Variants in PCDHGB2 observed in about 807,000 individuals in gnomAD.
The protein encoded by PCDHGB2 is protocadherin gamma subfamily B, 2.
A neutral mutation model predicts 59.3 loss-of-function variants in PCDHGB2; 55 were observed. That is an observed-to-expected ratio of 0.93 (90% CI 0.75 to 1.16). The LOEUF is 1.16. Among genes scored for constraint, PCDHGB2 ranks in the 50% most tolerant of loss-of-function variants. PCDHGB2 has a pLI of 0.00. For synonymous variants in PCDHGB2, 516 were observed against 512.0 expected (o/e 1.01, Z -0.11); for missense variants, 1,228 against 1,198.5 (o/e 1.02, Z -0.36).
intron 1 of PCDHGB2, chr5:141,403,720 C>G (rs1266419119): frequency 1.2e-6 from 2 of 1,613,874 alleles, no homozygotes; most frequent in Middle Eastern, 1.6e-4. Context: ...AGAACGTGCC[C>G]CCAGGCACCT....
At position 141,477,493 on chromosome 5, in the gene PCDHGB2, A is replaced by G. The variant is rs2154575835; in HGVS notation, c.2422-17314A>G. ...ATGACAACCCTCCACAATCTTCTCA[A>G]TCTTCCTACGACGTTTACATTGAAG... On this transcript the variant is annotated intron_variant, in intron 1 of 3. Transcript: ENST00000522605. This position sits in a 1 kb window ranked among gnomAD's most constrained non-coding sequence, Gnocchi z 4.9. 6.2e-7 allele frequency: 1 copy of G among 1,613,976 alleles called. No individual in the cohort carries two copies. The highest frequency in any genetic ancestry group is 1.6e-4 in the Middle Eastern group (1 of 6,062).
chr5:141,441,883 A>T, intron 1 of PCDHGB2: 1 of 343,546 alleles, frequency 2.9e-6, no homozygotes, highest in South Asian at 2.6e-5. Context: ...CTACCTGGTC[A>T]CCAAGGTGGT....
At chr5:141,437,393 G>T (rs1034237295) in intron 1 of PCDHGB2, among the ~76,000 whole-genome samples, 3 of 152,180 alleles carry the variant, frequency 2.0e-5, no homozygotes, top group Admixed American at 6.5e-5. Flanking sequence ...TTCATCCACT[G>T]CTTTCATTCC....
chr5:141,462,512 A>C (rs1169461013), intron 1 of PCDHGB2, among the ~76,000 whole-genome samples: 1 of 152,106 alleles, frequency 6.6e-6, no homozygotes, highest in Non-Finnish European at 1.5e-5. Flanking sequence ...AACTAGATCA[A>C]GTTAGTAAGA....
Position 141,360,653 on chromosome 5 carries a change from A to G in PCDHGB2, c.518A>G (p.Asn173Ser). The change falls in exon 1 of 4, where the codon AAT becomes AGT. Residue 173 changes from asparagine (N) to serine (S), a missense_variant. Transcript: ENST00000522605. Reference sequence around the variant, plus strand: ...AACTCACTACAAAGATACCACCTTAATGACAACGAGTACTTTGATCTCGCT... The same window carrying G: ...AACTCACTACAAAGATACCACCTTAGTGACAACGAGTACTTTGATCTCGCT... The part of the protein sequence containing the change: ...GPNSLQRYHL[N>S]DNEYFDLAEK... The G allele has an allele frequency of 1.9e-6, 3 of 1,614,020 alleles. No homozygotes were observed. Among genetic ancestry groups the G allele is most frequent in the East Asian group, 2.2e-5 (1 of 44,882 alleles).
At chr5:141,409,828 C>G in intron 1 of PCDHGB2, 1 of 1,611,128 alleles carries the variant, frequency 6.2e-7, no homozygotes, top group Non-Finnish European at 8.5e-7. Flanking sequence ...CGCCCACGCT[C>G]AGCGCCAACG....
At chr5:141,503,178 T>C (rs988629461) in intron 2 of PCDHGB2, among the ~76,000 whole-genome samples, 56 of 151,998 alleles carry the variant, frequency 3.7e-4, no homozygotes, top group African/African-American at 1.3e-3. Flanking sequence ...TACTCTATTG[T>C]GTAATTATTT....
intron 1 of PCDHGB2, chr5:141,409,447 AC>A (rs779658060): frequency 1.4e-4 from 222 of 1,613,890 alleles, no homozygotes; most frequent in Non-Finnish European, 1.8e-4. Context: ...GAGAGCAGAC[AC>A]CAGAATACAA....
chr5:141,477,504 A>T lies in PCDHGB2; in HGVS notation c.2422-17303A>T, dbSNP rs1396003792. Reference sequence around the variant, plus strand: ...CCACAATCTTCTCAATCTTCCTACGACGTTTACATTGAAGAAAACAACCTC... The same window carrying T: ...CCACAATCTTCTCAATCTTCCTACGTCGTTTACATTGAAGAAAACAACCTC... On this transcript the variant is annotated intron_variant, in intron 1 of 3. Coordinates refer to ENST00000522605, the MANE Select transcript of PCDHGB2 (RefSeq NM_018923.3). This position sits in a 1 kb window ranked among gnomAD's most constrained non-coding sequence, Gnocchi z 4.9. The T allele has an allele frequency of 4.3e-6, 7 of 1,613,982 alleles. No homozygotes were observed. In the Admixed American group the frequency reaches 8.3e-5, roughly 19 times the overall value.
intron 1 of PCDHGB2, chr5:141,410,110 C>A (rs1361292941): frequency 6.2e-7 from 1 of 1,612,540 alleles, no homozygotes; most frequent in Admixed American, 1.7e-5. Flanking sequence ...GCGACAGGGA[C>A]GCAGCCCGCC....
chr5:141,413,889 T>C (rs1394681178), intron 1 of PCDHGB2: 4 of 1,613,392 alleles, frequency 2.5e-6, no homozygotes, highest in Non-Finnish European at 3.4e-6. Flanking sequence ...CTGTCTTCGA[T>C]GCAAATGACA....
rs73792170 is a variant in PCDHGB2, at chr5:141,365,536, T to C, written c.2421+2980T>C. The C allele has an allele frequency of 3.4e-3, 5,425 of 1,613,776 alleles. 115 individuals are homozygous for C. In the African/African-American group the frequency reaches 0.05, roughly 15 times the overall value. On this transcript the variant is annotated intron_variant, in intron 1 of 3. Transcript: ENST00000522605. ...TGGAGAAGTCAGTTGATAATTACTATCACCTATTAACAACTAGGGACCTGG... is the reference window on the plus strand; with the variant it reads ...TGGAGAAGTCAGTTGATAATTACTACCACCTATTAACAACTAGGGACCTGG...
At chr5:141,392,273 GC>G (rs1371015127) in intron 1 of PCDHGB2, 1 of 152,178 alleles carries the variant, frequency 6.6e-6, no homozygotes, top group Non-Finnish European at 1.5e-5. Flanking sequence ...TTACAATAAA[GC>G]TTAGAGCACA....
chr5:141,399,355 C>A (rs1437917208), intron 1 of PCDHGB2: 1 of 1,614,006 alleles, frequency 6.2e-7, no homozygotes, highest in South Asian at 1.1e-5. Flanking sequence ...AGACCGAGAG[C>A]AAACCCCGGA....
intron 1 of PCDHGB2, chr5:141,391,496 G>C (rs1256159469): frequency 6.6e-6 from 1 of 151,988 alleles, no homozygotes; most frequent in Non-Finnish European, 1.5e-5. Flanking sequence ...GTTTTCAGTA[G>C]AGAAAATATT....
At chr5:141,415,611 A>G in intron 1 of PCDHGB2, 1 of 1,613,152 alleles carries the variant, frequency 6.2e-7, no homozygotes, top group Non-Finnish European at 8.5e-7. Context: ...CATTGGTTCC[A>G]GTGAGTTTTA....
rs763102211 is a variant in PCDHGB2 at position 141,361,966 on chromosome 5, G to T, written c.1831G>T (p.Ala611Ser). The change falls in exon 1 of 4, where the codon GCC becomes TCC. Residue 611 changes from alanine to serine, a missense_variant. Ala to Ser is a moderately conservative substitution (Grantham distance 99). This residue lies in a region of PCDHGB2 where 433 missense variants were observed against 441.8 expected (regional missense o/e 0.98). Coordinates refer to ENST00000522605, the MANE Select transcript of PCDHGB2 (RefSeq NM_018923.3). ...TTGGCTGTCCTACCACGTGCTGCAG[G>T]CCAGCGAGCCCGGGCTCTTCAGCCT... ...NAWLSYHVLQASEPGLFSLGL... is the reference protein window; with the variant it reads ...NAWLSYHVLQSSEPGLFSLGL... The T allele has an allele frequency of 6.2e-7, 1 of 1,601,844 alleles. No individual in the cohort carries two copies. Among genetic ancestry groups the T allele is most frequent in the African/African-American group, 1.3e-5 (1 of 74,682 alleles).
intron 1 of PCDHGB2, among the ~76,000 whole-genome samples, chr5:141,465,206 C>T (rs375753635): frequency 1.8e-4 from 27 of 151,896 alleles, no homozygotes; most frequent in Middle Eastern, 3.4e-3. Context: ...AAAATATAAG[C>T]TTTATTTTTC....
intron 1 of PCDHGB2, chr5:141,393,825 G>C: frequency 6.2e-7 from 1 of 1,613,964 alleles, no homozygotes; most frequent in Non-Finnish European, 8.5e-7. Flanking sequence ...CATTTCGGTG[G>C]AAGATGTAAA....
Sources: gnomAD v4.1 joint callset for allele counts (sites outside exome capture counted in the v4.1 genomes callset) on GRCh38, gnomAD v4.1.1 for gene constraint, gnomAD v4.1.1 regional missense constraint, Gnocchi (gnomAD v3.1) non-coding constraint, MANE v1.5 for transcripts, NCBI Gene and HGNC (gene_info 2026-07-23, HGNC 2026-07-21) for gene names.